The following PDIA5 variants were observed in gnomAD, a reference collection of about 807,000 sequenced individuals.
PDIA5 encodes protein disulfide-isomerase A5.
PDIA5 carries 58 observed loss-of-function variants against 77.6 expected under a neutral mutation model. The ratio of observed to expected loss-of-function variants is 0.75; its 90% CI spans 0.61 to 0.93. The LOEUF is 0.93. PDIA5 is among the 40% of genes least tolerant of loss of function. The probability of loss-of-function intolerance (pLI) is 0.00; values close to 1 mark genes in which losing one functional copy is unlikely to be tolerated. For missense variants in PDIA5, 630 were observed against 647.7 expected, an observed-to-expected ratio of 0.97 and a Z score of 0.30; for synonymous variants, 250 against 252.1, an observed-to-expected ratio of 0.99 and a Z score of 0.08.
intron 1 of PDIA5, among the ~76,000 whole-genome samples, chr3:123,084,828 C>G (rs561349745): frequency 6.6e-6 from 1 of 152,172 alleles, no homozygotes; most frequent in Non-Finnish European, 1.5e-5. Flanking sequence ...TCTCTCCACG[C>G]GGGCAGCCAC....
At position 123,161,428 on chromosome 3, in the gene PDIA5, C is replaced by G; in HGVS notation, c.1452C>G (p.Phe484Leu). 1 of 1,614,084 alleles carries G rather than the reference C, an allele frequency of 6.2e-7. No individual in the cohort carries two copies. The highest frequency in any genetic ancestry group is 1.1e-5 in the South Asian group (1 of 91,074). ...TCCACTACTACCACTATGGGAAGTT[C>G]GCAGAAAAGTATGACAGCGACCGCA... ...PTFHYYHYGK[F>L]AEKYDSDRTE... Residue 484 changes from phenylalanine to leucine, a missense_variant, in exon 16 of 17, where the codon TTC becomes TTG. Transcript: ENST00000316218.
intron 8 of PDIA5, among the ~76,000 whole-genome samples, chr3:123,122,550 G>A (rs1935144890): frequency 6.6e-6 from 1 of 152,208 alleles, no homozygotes; most frequent in African/African-American, 2.4e-5. Flanking sequence ...GTGCCCCTAG[G>A]AATGGAGAGG....
chr3:123,149,110 A>T (rs1403746773), intron 13 of PDIA5, among the ~76,000 whole-genome samples: 1 of 152,220 alleles, frequency 6.6e-6, no homozygotes, highest in Non-Finnish European at 1.5e-5. Flanking sequence ...GGCCCGTCTT[A>T]GTCACCAGCA....
chr3:123,137,631 T>C (rs1935532385), intron 11 of PDIA5, among the ~76,000 whole-genome samples: 1 of 152,218 alleles, frequency 6.6e-6, no homozygotes, highest in Non-Finnish European at 1.5e-5. Flanking sequence ...AATTCGTGAA[T>C]TTGATGTCAT....
At chr3:123,118,808 G>T (rs896747120) in intron 8 of PDIA5, among the ~76,000 whole-genome samples, 3 of 152,168 alleles carry the variant, frequency 2.0e-5, no homozygotes, top group South Asian at 2.1e-4. Flanking sequence ...ACTCCTGGGG[G>T]TATGTTTTAT....
chr3:123,077,058 A>G (rs1282876558), intron 1 of PDIA5, among the ~76,000 whole-genome samples: 1 of 152,208 alleles, frequency 6.6e-6, no homozygotes, highest in Non-Finnish European at 1.5e-5. Context: ...GCAAAATATA[A>G]GAAATGCAGC....
In PDIA5 at chr3:123,130,615, A is replaced by G. The variant is rs1235630716; in HGVS notation, c.909A>G (p.Pro303=). The G allele has an allele frequency of 6.2e-7, 1 of 1,613,724 alleles. No individual in the cohort carries two copies. Among genetic ancestry groups the G allele is most frequent in the Non-Finnish European group, 8.5e-7 (1 of 1,179,710 alleles). The change falls in exon 11 of 17, where the codon CCA becomes CCG. Residue 303 remains proline (P), a splice_region_variant and synonymous_variant. Coordinates refer to ENST00000316218, the MANE Select transcript of PDIA5 (RefSeq NM_006810.4). ...CTGTCCTCGTCATGTTCCACGCCCC[A>G]TGTGAGTGGAACTTTGCTCCTCCCC... ...HSSVLVMFHA[P]WCGHCKKMKP...
At chr3:123,076,917 A>G (rs1284376814) in intron 1 of PDIA5, among the ~76,000 whole-genome samples, 3 of 152,246 alleles carry the variant, frequency 2.0e-5, no homozygotes, top group Admixed American at 1.3e-4. Context: ...ACCTGTTTTC[A>G]TAAGCTCTCA....
At chr3:123,130,451 C>A in intron 10 of PDIA5, 29 bp from the exon 11 acceptor site, 1 of 1,606,660 alleles carries the variant, frequency 6.2e-7, no homozygotes, top group South Asian at 1.1e-5. Flanking sequence ...AGGGCCTGCT[C>A]TGAGCTCTGC....
chr3:123,161,719 G>C lies in PDIA5; in HGVS notation c.1480-161G>C. On this transcript the variant is annotated intron_variant, in intron 16 of 16. Transcript: ENST00000316218. ...TTTTCTCACTTGCTGGTCGGGGCTG[G>C]TGCAAGCCACGCAGACCCTCTCCAC... 3 of 681,380 alleles carry C rather than the reference G, an allele frequency of 4.4e-6. No homozygotes were observed. In the South Asian group the frequency reaches 5.1e-5, roughly 12 times the overall value. The allele number at this position is 681,380 out of a possible 1,614,324, so 42.2% of individuals were successfully genotyped here. A position where few individuals can be genotyped will look rare whatever the true frequency, so the allele number is the denominator to read the frequency against.
intron 11 of PDIA5, among the ~76,000 whole-genome samples, chr3:123,130,864 T>G (rs986325046): frequency 9.2e-5 from 14 of 152,252 alleles, no homozygotes; most frequent in Admixed American, 2.0e-4. Context: ...TAGAGCTCAG[T>G]GAGTCTCCAC....
rs1560561646 is a variant in PDIA5, at chr3:123,151,782, G to GGCCTGCCTTCCTGCCT, written c.1273+1443_1273+1458dup. 9.2e-3 allele frequency among the ~76,000 whole-genome samples: 462 copies of GGCCTGCCTTCCTGCCT among 50,020 alleles called. 13 individuals are homozygous for GGCCTGCCTTCCTGCCT. Among genetic ancestry groups the GGCCTGCCTTCCTGCCT allele is most frequent in the African/African-American group, 0.035 (415 of 11,918 alleles). 32.8% of individuals were successfully genotyped at this position (50,020 alleles called of 152,430 possible). On this transcript the variant is annotated intron_variant, in intron 14 of 16. Coordinates refer to ENST00000316218, the MANE Select transcript of PDIA5 (RefSeq NM_006810.4). ...TGCCTGCCTGCCTGCCTGCCTGCCT[G>GGCCTGCCTTCCTGCCT]GCCTGCCTTCCTGCCTGCCTGCCTT... is the stretch of plus-strand genomic sequence containing the variant.
In PDIA5 at chr3:123,102,400, G is replaced by C; in HGVS notation, c.258-11G>C. The C allele has an allele frequency of 6.2e-7, 1 of 1,608,686 alleles. No individual in the cohort carries two copies. The highest frequency in any genetic ancestry group is 8.5e-7 in the Non-Finnish European group (1 of 1,175,060). On this transcript the variant is annotated splice_polypyrimidine_tract_variant and intron_variant, in intron 3 of 16. Coordinates refer to ENST00000316218, the MANE Select transcript of PDIA5 (RefSeq NM_006810.4). Reference sequence around the variant, plus strand: ...AGGTAATAAATGGTTCCCAACATTTGTGTCTTCCAGTGATGCAGAGAGTAG... The same window carrying C: ...AGGTAATAAATGGTTCCCAACATTTCTGTCTTCCAGTGATGCAGAGAGTAG...
At chr3:123,077,886 T>C (rs927077406) in intron 1 of PDIA5, among the ~76,000 whole-genome samples, 4 of 151,412 alleles carry the variant, frequency 2.6e-5, no homozygotes, top group Non-Finnish European at 5.9e-5. Flanking sequence ...CTCAGCTCAC[T>C]ACGACCTCTG....
At chr3:123,130,416 G>A (rs1935344769) in intron 10 of PDIA5, 64 bp from the exon 11 acceptor site, 1 of 1,540,702 alleles carries the variant, frequency 6.5e-7, no homozygotes, top group Non-Finnish European at 8.7e-7. Flanking sequence ...CAGGGGCCTG[G>A]AATTAGAAGG....
intron 14 of PDIA5, among the ~76,000 whole-genome samples, chr3:123,152,661 G>T (rs983391857): frequency 6.6e-6 from 1 of 152,038 alleles, no homozygotes; most frequent in African/African-American, 2.4e-5. Flanking sequence ...ATACCCACAC[G>T]TTCCTGCTCC....
rs147532806 is a variant in PDIA5 at position 123,143,092 on chromosome 3, A to G, written c.911-2430A>G. On this transcript the variant is annotated intron_variant, in intron 11 of 16. Coordinates refer to ENST00000316218, the MANE Select transcript of PDIA5 (RefSeq NM_006810.4). The stretch of plus-strand genomic sequence containing the variant: ...AAAACCTCAGGTCCCACCTTTAGAG[A>G]GTCACCATCTGGGGCTGGGCATGGT... Among the ~76,000 whole-genome samples, 239 of 152,210 alleles carry G rather than the reference A, an allele frequency of 1.6e-3. 4 individuals carry two copies. In the East Asian group the frequency reaches 0.041, roughly 26 times the overall value.
intron 7 of PDIA5, among the ~76,000 whole-genome samples, chr3:123,112,382 TC>T (rs1433533110): frequency 6.6e-6 from 1 of 151,984 alleles, no homozygotes; most frequent in Non-Finnish European, 1.5e-5. Context: ...GAATCCCACT[TC>T]CTGAGAAGTT....
rs12629413 is a variant in PDIA5 at position 123,142,232 on chromosome 3, T to C, written c.911-3290T>C. The stretch of plus-strand genomic sequence containing the variant: ...GGATCGCGGGCTGCACTTGTCCCAT[T>C]GGGAGCAGGCTCAGGGAAATACAAA... On this transcript the variant is annotated intron_variant, in intron 11 of 16. Transcript: ENST00000316218. Among the ~76,000 whole-genome samples the C allele has an allele frequency of 1.1e-3, 174 of 152,348 alleles. 2 individuals are homozygous for C. The East Asian group carries it at 0.032, about 28-fold the overall frequency.
Sources: gnomAD v4.1 joint callset for allele counts (sites outside exome capture counted in the v4.1 genomes callset) on GRCh38, gnomAD v4.1.1 for gene constraint, MANE v1.5 for transcripts, NCBI Gene and HGNC (gene_info 2026-07-23, HGNC 2026-07-21) for gene names.